Variants in CDKAL1 observed in about 807,000 individuals in gnomAD.
The protein encoded by CDKAL1 is threonylcarbamoyladenosine tRNA methylthiotransferase.
CDKAL1 carries 32 observed loss-of-function variants against 68.2 expected under a neutral mutation model. That is an observed-to-expected ratio of 0.47 (90% CI 0.35 to 0.63). The LOEUF is 0.63. Among genes scored for constraint, CDKAL1 ranks in the 30% least tolerant of loss-of-function variants. The pLI, the probability that CDKAL1 is intolerant of heterozygous loss-of-function variation, is 0.00. For missense variants in CDKAL1, 606 were observed against 696.7 expected, an observed-to-expected ratio of 0.87 and a Z score of 1.47; for synonymous variants, 234 against 244.3, an observed-to-expected ratio of 0.96 and a Z score of 0.39.
chr6:20,904,045 G>A (rs1435800520), intron 9 of CDKAL1, among the ~76,000 whole-genome samples: 1 of 152,154 alleles, frequency 6.6e-6, no homozygotes. Flanking sequence ...CATACACTTG[G>A]TCTAAGAGAA....
intron 4 of CDKAL1, chr6:20,558,576 C>T (rs1339476689): frequency 2.2e-6 from 1 of 456,688 alleles, no homozygotes; most frequent in African/African-American, 2.0e-5. Flanking sequence ...ACTTGGAATT[C>T]TGGAATGGCT....
intron 9 of CDKAL1, among the ~76,000 whole-genome samples, chr6:20,949,046 G>A (rs1334232285): frequency 6.6e-6 from 1 of 152,116 alleles, no homozygotes; most frequent in African/African-American, 2.4e-5. Context: ...TCTATAACCA[G>A]TATAATTACA....
chr6:21,177,810 A>G (rs1464307511), intron 13 of CDKAL1, among the ~76,000 whole-genome samples: 5 of 152,198 alleles, frequency 3.3e-5, no homozygotes, highest in Non-Finnish European at 7.4e-5. Flanking sequence ...GAGAGCAGAC[A>G]CGTGGTGTAA....
intron 4 of CDKAL1, among the ~76,000 whole-genome samples, chr6:20,594,198 G>C (rs947051976): frequency 1.3e-5 from 2 of 152,166 alleles, no homozygotes; most frequent in African/African-American, 2.4e-5. Context: ...AGGTCTGCTT[G>C]TTCCAGAGCT....
At chr6:20,815,270 A>C (rs2150430373) in intron 8 of CDKAL1, among the ~76,000 whole-genome samples, 1 of 152,212 alleles carries the variant, frequency 6.6e-6, no homozygotes, top group Middle Eastern at 3.4e-3. Flanking sequence ...TCCTAAGAAA[A>C]GTATCAGATA....
At chr6:20,868,134 A>T (rs1363672360) in intron 9 of CDKAL1, among the ~76,000 whole-genome samples, 4 of 152,138 alleles carry the variant, frequency 2.6e-5, no homozygotes, top group Non-Finnish European at 5.9e-5. Flanking sequence ...GGAGAATTAT[A>T]ATTTGTGCAT....
chr6:21,192,223 T>G (rs9465992), intron 13 of CDKAL1, among the ~76,000 whole-genome samples: 33,075 of 146,664 alleles, frequency 0.23, 3,701 homozygotes, highest in African/African-American at 0.34. Flanking sequence ...GGGTTTCACC[T>G]TGTTAGCCAG....
intron 12 of CDKAL1, among the ~76,000 whole-genome samples, chr6:21,104,084 A>G (rs1029002829): frequency 1.2e-4 from 18 of 152,196 alleles, no homozygotes; most frequent in Non-Finnish European, 2.5e-4. Flanking sequence ...TAGTGCTAGA[A>G]CTTAGTAAAG....
chr6:20,674,366 A>G (rs1462220026), intron 5 of CDKAL1, among the ~76,000 whole-genome samples: 2 of 152,222 alleles, frequency 1.3e-5, no homozygotes, highest in Non-Finnish European at 2.9e-5. Flanking sequence ...ATTAAGTAAG[A>G]TACTGGCTTT....
At chr6:20,934,263 C>T (rs1424491443) in intron 9 of CDKAL1, among the ~76,000 whole-genome samples, 2 of 152,102 alleles carry the variant, frequency 1.3e-5, no homozygotes, top group Non-Finnish European at 2.9e-5. Context: ...ATGTAGACAT[C>T]CATTTAAAGC....
chr6:21,136,974 T>A (rs752601265), intron 13 of CDKAL1, among the ~76,000 whole-genome samples: 1 of 152,166 alleles, frequency 6.6e-6, no homozygotes, highest in Non-Finnish European at 1.5e-5. Context: ...CCCAAAGGCC[T>A]CCAAGGTTAT....
chr6:21,042,317 C>A (rs980540722), intron 11 of CDKAL1, among the ~76,000 whole-genome samples: 2 of 148,550 alleles, frequency 1.3e-5, no homozygotes, highest in African/African-American at 4.9e-5. Flanking sequence ...TCTCTACTAA[C>A]AAACACTGTT....
rs1268073337 is a variant in CDKAL1, at chr6:21,231,991, G to GTTTTTTTTTTT, written c.*952_*953insTTTTTTTTTTT. On this transcript the variant is annotated 3_prime_UTR_variant, in exon 16 of 16. Coordinates refer to ENST00000274695, the MANE Select transcript of CDKAL1 (RefSeq NM_017774.3). ...TTTTCTCACATTTTTGATCCATTGG[G>GTTTTTTTTTTT]GTTTTTTTTTTGTTTTTGTTTTTTT... is the stretch of plus-strand genomic sequence containing the variant. 1 of 130,468 alleles carries GTTTTTTTTTTT rather than the reference G, an allele frequency of 7.7e-6. No individual in the cohort carries two copies. The highest frequency in any genetic ancestry group is 2.7e-5 in the African/African-American group (1 of 37,558). 8.1% of individuals were successfully genotyped at this position (130,468 alleles called of 1,614,324 possible). A position where few individuals can be genotyped will look rare whatever the true frequency, so the allele number is the denominator to read the frequency against.
intron 13 of CDKAL1, among the ~76,000 whole-genome samples, chr6:21,110,861 G>A (rs1774085359): frequency 6.6e-6 from 1 of 152,080 alleles, no homozygotes; most frequent in South Asian, 2.1e-4. Context: ...CTAGCTACCG[G>A]GGACAGGTTT....
At chr6:20,762,420 G>A (rs542279157) in intron 7 of CDKAL1, among the ~76,000 whole-genome samples, 33 of 152,316 alleles carry the variant, frequency 2.2e-4, no homozygotes, top group African/African-American at 7.7e-4. Context: ...GCTTTCCTTA[G>A]TTTGCAGATC....
chr6:20,848,143 A>G (rs1778443535), intron 9 of CDKAL1, among the ~76,000 whole-genome samples: 1 of 101,716 alleles, frequency 9.8e-6, no homozygotes, highest in Non-Finnish European at 2.4e-5. Flanking sequence ...ACAAAGTTAC[A>G]TGCTTATGCA....
intron 9 of CDKAL1, among the ~76,000 whole-genome samples, chr6:20,872,045 A>G (rs1013712540): frequency 6.6e-6 from 1 of 152,150 alleles, no homozygotes; most frequent in African/African-American, 2.4e-5. Flanking sequence ...AAAAGACTCA[A>G]GCAAGTTCCT....
At chr6:20,713,835 A>T (rs745509938) in intron 5 of CDKAL1, among the ~76,000 whole-genome samples, 2 of 152,166 alleles carry the variant, frequency 1.3e-5, no homozygotes, top group African/African-American at 4.8e-5. Flanking sequence ...ATAAATGTGT[A>T]TGAAAAATTA....
chr6:21,124,328 T>C (rs62404501), intron 13 of CDKAL1, among the ~76,000 whole-genome samples: 1,676 of 152,240 alleles, frequency 0.011, 10 homozygotes, highest in Non-Finnish European at 0.018. Context: ...TTCATTTGTG[T>C]CTCTCTGATG....
Sources: allele counts gnomAD v4.1 joint callset (sites outside exome capture counted in the v4.1 genomes callset), GRCh38; gene constraint gnomAD v4.1.1; transcripts MANE v1.5; gene names NCBI Gene and HGNC (gene_info 2026-07-23, HGNC 2026-07-21).